TANC1: variants seen among roughly 807,000 people sequenced by gnomAD.
The protein encoded by TANC1 is protein TANC1.
A neutral mutation model predicts 149.7 loss-of-function variants in TANC1; 77 were observed. The observed-to-expected ratio is 0.51, with a 90% CI of 0.43 to 0.62. TANC1 has a LOEUF of 0.62. Ranked by LOEUF, TANC1 falls within the 20% of genes least tolerant of loss-of-function variation. The pLI is 0.00. For missense variants in TANC1, 1,985 were observed against 2,321.8 expected (o/e 0.85, Z 2.98); for synonymous variants, 854 against 925.0 (o/e 0.92, Z 1.39).
At chr2:158,987,597 A>G (rs1403849657) in intron 1 of TANC1, among the ~76,000 whole-genome samples, 2 of 152,178 alleles carry the variant, frequency 1.3e-5, no homozygotes, top group Admixed American at 1.3e-4. Context: ...CCATTTGCTT[A>G]TAATTAGTCC....
intron 2 of TANC1, among the ~76,000 whole-genome samples, chr2:159,064,223 G>C (rs2042481203): frequency 6.6e-6 from 1 of 152,082 alleles, no homozygotes; most frequent in South Asian, 2.1e-4. Flanking sequence ...TTTTCCATCG[G>C]TTCCATATGG....
chr2:159,172,324 T>G, intron 11 of TANC1, 52 bp downstream of exon 11: 1 of 1,577,342 alleles, frequency 6.3e-7, no homozygotes, highest in African/African-American at 1.4e-5. Flanking sequence ...TTTGCTGGTT[T>G]GGTTTCTGAG....
At chr2:159,092,040 G>A (rs1271005512) in intron 3 of TANC1, among the ~76,000 whole-genome samples, 5 of 152,070 alleles carry the variant, frequency 3.3e-5, no homozygotes, top group African/African-American at 9.7e-5. Context: ...ACTGTAAGGC[G>A]GGGACTGCAC....
At chr2:159,098,517 G>A (rs1233342120) in intron 4 of TANC1, among the ~76,000 whole-genome samples, 1 of 152,156 alleles carries the variant, frequency 6.6e-6, no homozygotes, top group African/African-American at 2.4e-5. Flanking sequence ...TATGGATGTA[G>A]GCAAATGTCA....
At chr2:159,025,271 C>CTTTTA (rs1166164905) in intron 2 of TANC1, among the ~76,000 whole-genome samples, 2 of 110,492 alleles carry the variant, frequency 1.8e-5, no homozygotes, top group Non-Finnish European at 3.7e-5. Flanking sequence ...TCCTTTTTTC[C>CTTTTA]TTTTCTTTTC....
At chr2:159,224,447 C>A in intron 23 of TANC1, 83 bp downstream of exon 23, 1 of 1,512,814 alleles carries the variant, frequency 6.6e-7, no homozygotes, top group Non-Finnish European at 9.1e-7. Flanking sequence ...GAGTGACCTG[C>A]TCCCAGGTTA....
At chr2:159,109,042 A>G (rs2150008684) in intron 4 of TANC1, among the ~76,000 whole-genome samples, 1 of 152,324 alleles carries the variant, frequency 6.6e-6, no homozygotes, top group South Asian at 2.1e-4. Flanking sequence ...ACCACCAACA[A>G]AGTCCTCTTT....
At chr2:159,159,412 C>T (rs1055118742) in intron 7 of TANC1, among the ~76,000 whole-genome samples, 6 of 150,344 alleles carry the variant, frequency 4.0e-5, no homozygotes, top group African/African-American at 1.5e-4. Context: ...TGCACTCCAG[C>T]CTGGGCAAGA....
chr2:159,166,470 GGTGTGT>G (rs59852289), intron 8 of TANC1, among the ~76,000 whole-genome samples: 5 of 150,768 alleles, frequency 3.3e-5, no homozygotes, highest in African/African-American at 1.2e-4. Flanking sequence ...TGTTAGATAT[GGTGTGT>G]GTGTGTGTGT....
chr2:159,232,514 A>G lies in TANC1; in HGVS notation c.*1502A>G, dbSNP rs1575406318. ...TGTACTTTGTATGAACAGCTTTATC[A>G]TTTTTATAGGCTTTCCATGAGTTTT... is the stretch of plus-strand genomic sequence containing the variant. On this transcript the variant is annotated 3_prime_UTR_variant, in exon 27 of 27. Coordinates refer to ENST00000263635, the MANE Select transcript of TANC1 (RefSeq NM_033394.3). 6.6e-6 allele frequency: 1 copy of G among 152,580 alleles called. No homozygotes were observed. The highest frequency in any genetic ancestry group is 2.4e-5 in the African/African-American group (1 of 41,436). The allele number at this position is 152,580 out of a possible 1,614,324, so 9.5% of individuals were successfully genotyped here. A position where few individuals can be genotyped will look rare whatever the true frequency, so the allele number is the denominator to read the frequency against.
intron 9 of TANC1, among the ~76,000 whole-genome samples, chr2:159,170,061 G>T (rs1333000579): frequency 3.3e-5 from 5 of 152,086 alleles, no homozygotes; most frequent in Non-Finnish European, 1.5e-5. Flanking sequence ...GTTGTGTGAG[G>T]TACACAGCAG....
chr2:158,986,974 C>T (rs1374871922), intron 1 of TANC1, among the ~76,000 whole-genome samples: 6 of 150,726 alleles, frequency 4.0e-5, no homozygotes, highest in South Asian at 2.1e-4. Context: ...GAACCTGGGA[C>T]GTGGAGAGTG....
intron 4 of TANC1, among the ~76,000 whole-genome samples, chr2:159,105,746 T>G (rs996575681): frequency 2.6e-5 from 4 of 152,224 alleles, no homozygotes; most frequent in African/African-American, 9.6e-5. Flanking sequence ...TATTAAGATT[T>G]AAAGGCATCT....
At chr2:159,034,374 A>G (rs1440125241) in intron 2 of TANC1, among the ~76,000 whole-genome samples, 1 of 152,204 alleles carries the variant, frequency 6.6e-6, no homozygotes, top group Admixed American at 6.5e-5. Context: ...CCCCATCAGG[A>G]GGACAAAAGA....
intron 25 of TANC1, chr2:159,228,187 C>A (rs1375056264): frequency 7.5e-6 from 4 of 535,490 alleles, no homozygotes; most frequent in Non-Finnish European, 1.3e-5. Flanking sequence ...ACTTGGGTTT[C>A]GTTTCCTTGG....
At chr2:159,218,841 G>C (rs1050959139) in intron 20 of TANC1, among the ~76,000 whole-genome samples, 21 of 152,190 alleles carry the variant, frequency 1.4e-4, no homozygotes, top group African/African-American at 4.8e-4. Context: ...CCTGCACTCA[G>C]CTGTAGGTAC....
intron 2 of TANC1, among the ~76,000 whole-genome samples, chr2:159,043,194 T>G (rs1226488638): frequency 2.6e-5 from 4 of 152,210 alleles, no homozygotes; most frequent in Non-Finnish European, 4.4e-5. Flanking sequence ...TTGGGATTTT[T>G]GGGGAGGTCA....
chr2:159,119,053 T>C (rs1178281902), intron 4 of TANC1, among the ~76,000 whole-genome samples: 1 of 152,224 alleles, frequency 6.6e-6, no homozygotes, highest in African/African-American at 2.4e-5. Flanking sequence ...AATTGTTCAA[T>C]AGCTGAGGCG....
At chr2:159,062,552 A>AG (rs1407324407) in intron 2 of TANC1, among the ~76,000 whole-genome samples, 1 of 152,202 alleles carries the variant, frequency 6.6e-6, no homozygotes, top group Non-Finnish European at 1.5e-5. Flanking sequence ...CTGCCTACAC[A>AG]GGTGGGCTTC....
Sources: allele counts gnomAD v4.1 joint callset (sites outside exome capture counted in the v4.1 genomes callset), GRCh38; gene constraint gnomAD v4.1.1; transcripts MANE v1.5; gene names NCBI Gene and HGNC (gene_info 2026-07-23, HGNC 2026-07-21).